Variants in TCF20 observed in about 807,000 individuals in gnomAD.
TCF20 encodes the protein SPRE-binding protein.
A neutral mutation model predicts 148.6 loss-of-function variants in TCF20; 3 were observed. The observed-to-expected ratio is 0.02, with a 90% CI of 0.01 to 0.05. TCF20 has a LOEUF of 0.05. Ranked by LOEUF, TCF20 falls within the 10% of genes least tolerant of loss-of-function variation. TCF20 has a pLI of 1.00. For synonymous variants in TCF20, 1,049 were observed against 909.5 expected (o/e 1.15, Z -2.76); for missense variants, 2,350 against 2,429.3 (o/e 0.97, Z 0.69).
intron 1 of TCF20, among the ~76,000 whole-genome samples, chr22:42,329,436 G>A (rs1927931490): frequency 6.6e-6 from 1 of 152,242 alleles, no homozygotes; most frequent in Non-Finnish European, 1.5e-5. Context: ...AGAGACCATG[G>A]ATATTCAGGA....
chr22:42,195,702 G>A (rs550540931), intron 2 of TCF20, among the ~76,000 whole-genome samples: 16 of 151,980 alleles, frequency 1.1e-4, no homozygotes, highest in African/African-American at 3.1e-4. Flanking sequence ...GTTTCCCCAC[G>A]TTGGCCAGGC....
chr22:42,260,923 T>C (rs1012432075), intron 1 of TCF20, among the ~76,000 whole-genome samples: 1 of 152,242 alleles, frequency 6.6e-6, no homozygotes, highest in Non-Finnish European at 1.5e-5. Flanking sequence ...TCAAATCACA[T>C]ACAGCATATG....
At chr22:42,311,689 C>A (rs140827020) in intron 1 of TCF20, among the ~76,000 whole-genome samples, 2 of 152,242 alleles carry the variant, frequency 1.3e-5, no homozygotes, top group East Asian at 1.9e-4. Context: ...CCCTGCAAAA[C>A]GGGGATGAAA....
intron 1 of TCF20, 190 bp from the exon 2 acceptor site, chr22:42,215,531 C>T: frequency 1.5e-6 from 1 of 689,416 alleles, no homozygotes; most frequent in African/African-American, 1.8e-5. Flanking sequence ...AGTGCAATTG[C>T]ACGATCTCAG....
intron 5 of TCF20, among the ~76,000 whole-genome samples, chr22:42,166,609 C>CAAAAAAAA (rs545755110): frequency 1.4e-5 from 1 of 70,488 alleles, no homozygotes. Context: ...AATCCGTCTC[C>CAAAAAAAA]AAAAAAAAAA....
intron 1 of TCF20, among the ~76,000 whole-genome samples, chr22:42,244,188 A>T (rs1924710757): frequency 6.6e-6 from 1 of 152,202 alleles, no homozygotes; most frequent in Non-Finnish European, 1.5e-5. Context: ...TGGGCCACAC[A>T]TGGGAATATA....
intron 2 of TCF20, among the ~76,000 whole-genome samples, chr22:42,188,433 TA>T (rs896520191): frequency 4.6e-5 from 7 of 151,626 alleles, no homozygotes; most frequent in African/African-American, 1.7e-4. Flanking sequence ...TTCAGAATCA[TA>T]AAGTGTAAGT....
rs776040948 is a variant in TCF20, at chr22:42,214,012, C to G, written c.1294G>C (p.Ala432Pro). ...PSMMPSPNSH[A>P]AGFKGFGLEG... The stretch of plus-strand genomic sequence containing the variant: ...AGTCCAAACCCTTTGAAGCCTGCAG[C>G]ATGAGAATTAGGACTGGGCATCATT... The change falls in exon 2 of 6, where the codon GCT becomes CCT. Residue 432 changes from alanine to proline, a missense_variant. By Grantham distance (27) the Ala-to-Pro change is conservative. This residue lies in a region of TCF20 where 1,641 missense variants were observed against 1,662.6 expected (regional missense o/e 0.99). Transcript: ENST00000677622. 2 of 1,614,176 alleles carry G rather than the reference C, an allele frequency of 1.2e-6. No individual in the cohort carries two copies. The highest frequency in any genetic ancestry group is 1.3e-5 in the African/African-American group (1 of 75,040).
intron 1 of TCF20, among the ~76,000 whole-genome samples, chr22:42,247,916 A>AATT (rs1363204274): frequency 1.3e-5 from 2 of 152,188 alleles, no homozygotes; most frequent in Non-Finnish European, 2.9e-5. Context: ...AAAAATTAAT[A>AATT]GTCTGTTCTA....
chr22:42,249,243 G>A (rs897814792), intron 1 of TCF20, among the ~76,000 whole-genome samples: 1 of 152,118 alleles, frequency 6.6e-6, no homozygotes, highest in Admixed American at 6.5e-5. Flanking sequence ...CTTTGGATTT[G>A]GACTGAGGTA....
chr22:42,228,011 G>C lies in TCF20; in HGVS notation c.-36-12670C>G, dbSNP rs576702725. Among the ~76,000 whole-genome samples, 29 of 152,320 alleles carry C rather than the reference G, an allele frequency of 1.9e-4. No individual in the cohort carries two copies. In the South Asian group the frequency reaches 4.8e-3, roughly 25 times the overall value. Reference sequence around the variant, plus strand: ...ATGTTACTGTTTGTGAAGTACCAGTGAAAGGTCTTATAAAAAGTAAGAGCC... The same window carrying C: ...ATGTTACTGTTTGTGAAGTACCAGTCAAAGGTCTTATAAAAAGTAAGAGCC... On this transcript the variant is annotated intron_variant, in intron 1 of 5. Transcript: ENST00000677622.
chr22:42,167,836 G>C lies in TCF20; in HGVS notation c.*44+773C>G, dbSNP rs552336457. 2.0e-5 allele frequency among the ~76,000 whole-genome samples: 3 copies of C among 151,946 alleles called. No individual in the cohort carries two copies. In the South Asian group the frequency reaches 6.2e-4, roughly 32 times the overall value. On this transcript the variant is annotated intron_variant, in intron 5 of 5. Transcript: ENST00000677622. ...CAGGTTTGATCAAGTGATCCTCCCA[G>C]CTCAGCCTCCTGAGTAGATGGGACT... is the stretch of plus-strand genomic sequence containing the variant.
intron 2 of TCF20, among the ~76,000 whole-genome samples, chr22:42,198,514 C>T (rs1427509060): frequency 1.3e-5 from 2 of 152,148 alleles, no homozygotes; most frequent in Non-Finnish European, 2.9e-5. Flanking sequence ...TAAGCACATC[C>T]TCCTGTATAC....
chr22:42,295,110 G>T (rs1476613515), intron 1 of TCF20, among the ~76,000 whole-genome samples: 1 of 152,186 alleles, frequency 6.6e-6, no homozygotes, highest in Non-Finnish European at 1.5e-5. Context: ...CAGCGTGGGG[G>T]GCAGGGCACA....
Position 42,213,085 on chromosome 22 carries a change from C to T in TCF20, c.2221G>A (p.Glu741Lys), listed in dbSNP as rs1310205129. 2 of 1,614,134 alleles carry T rather than the reference C, an allele frequency of 1.2e-6. No individual in the cohort carries two copies. The highest frequency in any genetic ancestry group is 1.7e-6 in the Non-Finnish European group (2 of 1,180,020). ...AATTTTTCATTTCTACCCTTTCGTTCCCCATGGCCAGTGAAATCTCCCTTT... is the reference window on the plus strand; with the variant it reads ...AATTTTTCATTTCTACCCTTTCGTTTCCCATGGCCAGTGAAATCTCCCTTT... ...QEKGDFTGHG[E>K]RKGRNEKFPS... The change falls in exon 2 of 6, where the codon GAA becomes AAA. Residue 741 changes from glutamate (E) to lysine (K), a missense_variant. Transcript: ENST00000677622.
chr22:42,278,768 C>G (rs1344496606), intron 1 of TCF20: 2 of 152,286 alleles, frequency 1.3e-5, no homozygotes, highest in Admixed American at 6.5e-5. Context: ...CCTCACAACA[C>G]TGTGAATACG....
At chr22:42,264,013 A>C (rs1926153381) in intron 1 of TCF20, among the ~76,000 whole-genome samples, 2 of 152,150 alleles carry the variant, frequency 1.3e-5, no homozygotes, top group Admixed American at 1.3e-4. Context: ...CCAGCTCTAA[A>C]ATTCTATAAT....
At chr22:42,245,698 C>A (rs1924846355) in intron 1 of TCF20, among the ~76,000 whole-genome samples, 1 of 152,220 alleles carries the variant, frequency 6.6e-6, no homozygotes, top group Admixed American at 6.5e-5. Flanking sequence ...GCTAAGATCA[C>A]TAGCTCTTAC....
intron 1 of TCF20, among the ~76,000 whole-genome samples, chr22:42,332,835 G>A (rs933148585): frequency 2.0e-5 from 3 of 152,168 alleles, no homozygotes; most frequent in South Asian, 2.1e-4. Flanking sequence ...CATGCTGTGC[G>A]GCTCTGTTTC....
Sources: gnomAD v4.1 joint callset for allele counts (sites outside exome capture counted in the v4.1 genomes callset) on GRCh38, gnomAD v4.1.1 for gene constraint, gnomAD v4.1.1 regional missense constraint, MANE v1.5 for transcripts, NCBI Gene and HGNC (gene_info 2026-07-23, HGNC 2026-07-21) for gene names.